Variants in TSGA10IP observed in about 807,000 individuals in gnomAD.
TSGA10IP encodes the protein testis-specific protein 10-interacting protein.
Under a neutral mutation model 63.2 loss-of-function variants are expected in TSGA10IP, and 64 were observed. The ratio of observed to expected loss-of-function variants is 1.01; its 90% CI spans 0.83 to 1.25. TSGA10IP has a LOEUF of 1.25. TSGA10IP is among the 50% of genes most tolerant of loss of function. TSGA10IP has a pLI of 0.00. For synonymous variants in TSGA10IP, 316 were observed against 298.3 expected (o/e 1.06, Z -0.61); for missense variants, 681 against 710.1 (o/e 0.96, Z 0.47).
At chr11:65,948,315 T>C (rs484752) in intron 4 of TSGA10IP, among the ~76,000 whole-genome samples, 167 bp downstream of exon 4, 2,317 of 150,616 alleles carry the variant, frequency 0.015, 62 homozygotes, top group African/African-American at 0.053. Context: ...CATCCATCCA[T>C]CCACCCATCC....
At chr11:65,955,673 C>T (rs937833880) in intron 5 of TSGA10IP, among the ~76,000 whole-genome samples, 6 of 151,726 alleles carry the variant, frequency 4.0e-5, no homozygotes, top group Non-Finnish European at 5.9e-5. Flanking sequence ...AGAGCTCCTG[C>T]GAAAGGAGCC....
At chr11:65,946,138 GC>G (rs1369957972) in intron 1 of TSGA10IP, among the ~76,000 whole-genome samples, 1 of 152,144 alleles carries the variant, frequency 6.6e-6, no homozygotes, top group Non-Finnish European at 1.5e-5. Context: ...CAGGTCCAGG[GC>G]CCAGTGGGAC....
At chr11:65,958,585 T>C (rs1855064090) in intron 5 of TSGA10IP, among the ~76,000 whole-genome samples, 1 of 152,172 alleles carries the variant, frequency 6.6e-6, no homozygotes, top group African/African-American at 2.4e-5. Context: ...CCCTTTCCCA[T>C]GGGGCTGGCA....
At chr11:65,957,564 G>A (rs1262621129) in intron 5 of TSGA10IP, among the ~76,000 whole-genome samples, 6 of 152,186 alleles carry the variant, frequency 3.9e-5, no homozygotes, top group Admixed American at 3.9e-4. Context: ...GCAGTAACTT[G>A]TGTTCCGGGC....
chr11:65,953,771 G>C, intron 5 of TSGA10IP, 34 bp downstream of exon 5: 1 of 1,474,308 alleles, frequency 6.8e-7, no homozygotes, highest in Non-Finnish European at 8.9e-7. Context: ...GCCTGGTTGG[G>C]AGAGGGCAGG....
chr11:65,950,223 A>G (rs889525207), intron 4 of TSGA10IP, among the ~76,000 whole-genome samples: 2 of 152,054 alleles, frequency 1.3e-5, no homozygotes, highest in South Asian at 2.1e-4. Flanking sequence ...TATACAATAC[A>G]TTGCTTTTAA....
At chr11:65,953,568 A>G (rs1854974813) in exon 5 of TSGA10IP, 2 of 1,579,708 alleles carry the variant, frequency 1.3e-6, no homozygotes, top group Non-Finnish European at 1.7e-6. Flanking sequence ...TCACCCAAGG[A>G]GCCTGCTGCA....
intron 6 of TSGA10IP, 53 bp downstream of exon 6, chr11:65,959,035 G>C: frequency 1.3e-6 from 2 of 1,598,000 alleles, no homozygotes; most frequent in Non-Finnish European, 1.7e-6. Context: ...AGAGCTGGCT[G>C]AGTGGGTAGG....
chr11:65,946,321 G>C (rs1854832176), intron 1 of TSGA10IP, among the ~76,000 whole-genome samples: 1 of 152,132 alleles, frequency 6.6e-6, no homozygotes, highest in Non-Finnish European at 1.5e-5. Context: ...TCCTTGGGAA[G>C]GTTACGTGTG....
At chr11:65,949,861 T>G (rs1010824998) in intron 4 of TSGA10IP, among the ~76,000 whole-genome samples, 6 of 144,744 alleles carry the variant, frequency 4.1e-5, no homozygotes, top group Non-Finnish European at 6.1e-5. Flanking sequence ...TTTTTTTTTT[T>G]TTTTTTTTTT....
At position 65,947,752 on chromosome 11, in the gene TSGA10IP, GAC is replaced by G. The variant is rs753513600; in HGVS notation, c.929_930del (p.Thr310LysfsTer54). On this transcript the variant is annotated frameshift_variant, in exon 3 of 8. Transcript: ENST00000532620. LOFTEE classifies it high-confidence loss of function. ...ACCTCCGAAGGCGACAATGGAGGAA[GAC>G]AAGGGCCAAGGAGCTGCAGGGGCCA... 5 of 1,589,520 alleles carry G rather than the reference GAC, an allele frequency of 3.1e-6. No homozygotes were observed. Among genetic ancestry groups the G allele is most frequent in the Non-Finnish European group, 4.3e-6 (5 of 1,168,122 alleles).
chr11:65,946,758 C>T (rs1419520961), intron 1 of TSGA10IP, 122 bp from the exon 2 acceptor site: 15 of 1,133,118 alleles, frequency 1.3e-5, no homozygotes, highest in Admixed American at 5.1e-5. Flanking sequence ...TTTATGGTAA[C>T]GAGGGCCCAG....
At chr11:65,949,017 T>C (rs1854897077) in intron 4 of TSGA10IP, among the ~76,000 whole-genome samples, 1 of 151,244 alleles carries the variant, frequency 6.6e-6, no homozygotes, top group Admixed American at 6.6e-5. Flanking sequence ...CTGGTCAACA[T>C]AGCTAGACCC....
exon 3 of TSGA10IP, chr11:65,947,705 G>A: frequency 6.3e-7 from 1 of 1,598,682 alleles, no homozygotes; most frequent in Non-Finnish European, 8.5e-7. Context: ...CCAGAGCCAG[G>A]GGAGCAGCCC....
exon 6 of TSGA10IP, chr11:65,958,954 G>C (rs773839636): frequency 5.0e-6 from 8 of 1,613,186 alleles, no homozygotes; most frequent in Non-Finnish European, 6.8e-6. Context: ...GTGCAGGCCC[G>C]GCCCTTCCTG....
intron 4 of TSGA10IP, among the ~76,000 whole-genome samples, chr11:65,952,387 T>G (rs1322299092): frequency 6.6e-6 from 1 of 152,118 alleles, no homozygotes; most frequent in Non-Finnish European, 1.5e-5. Context: ...AAAAAACCAT[T>G]GCCCAGACAA....
chr11:65,959,321 C>T lies in TSGA10IP; in HGVS notation c.1547+7C>T, dbSNP rs1466744253. The T allele has an allele frequency of 7.5e-6, 12 of 1,610,508 alleles. No individual in the cohort carries two copies. The highest frequency in any genetic ancestry group is 8.5e-6 in the Non-Finnish European group (10 of 1,179,364). ...GCACCCCCAGGAAACCCAGGTGAGT[C>T]TCCCCGTCAGGTCAAGAACTGACTC... On this transcript the variant is annotated splice_region_variant and intron_variant, in intron 7 of 7. Coordinates refer to ENST00000532620, the Ensembl canonical transcript of TSGA10IP.
intron 4 of TSGA10IP, 30 bp from the exon 5 acceptor site, chr11:65,953,537 C>T: frequency 6.6e-7 from 1 of 1,524,136 alleles, no homozygotes; most frequent in Admixed American, 2.1e-5. Flanking sequence ...GCCCGTGAAC[C>T]TCTCATTCCC....
chr11:65,952,545 C>G (rs1412464274), intron 4 of TSGA10IP, among the ~76,000 whole-genome samples: 2 of 151,990 alleles, frequency 1.3e-5, no homozygotes, highest in African/African-American at 4.8e-5. Context: ...ACTTCCTGGG[C>G]TCAGGTGATT....
Sources: allele counts gnomAD v4.1 joint callset (sites outside exome capture counted in the v4.1 genomes callset), GRCh38; gene constraint gnomAD v4.1.1; transcripts MANE v1.5; gene names NCBI Gene and HGNC (gene_info 2026-07-23, HGNC 2026-07-21).